The following TLN2 variants were observed in gnomAD, a reference collection of about 807,000 sequenced individuals.
The protein encoded by TLN2 is talin 2, also known as talin-2.
Under a neutral mutation model 294.7 loss-of-function variants are expected in TLN2, and 118 were observed. That is an observed-to-expected ratio of 0.40 (90% confidence interval 0.34 to 0.47). TLN2 has a LOEUF of 0.47. Among genes scored for constraint, TLN2 ranks in the 20% least tolerant of loss-of-function variants. The pLI is 0.84. For missense variants in TLN2, 3,083 were observed against 3,282.2 expected (o/e 0.94, Z 1.48); for synonymous variants, 1,431 against 1,304.5 (o/e 1.10, Z -2.09).
intron 22 of TLN2, among the ~76,000 whole-genome samples, chr15:62,714,909 C>G (rs939014732): frequency 1.3e-5 from 2 of 152,158 alleles, no homozygotes; most frequent in African/African-American, 4.8e-5. Flanking sequence ...GTGCTGGTTT[C>G]CAGCTGCTCA....
In TLN2 at chr15:62,748,392, C is replaced by G; in HGVS notation, c.4067C>G (p.Thr1356Ser). The G allele has an allele frequency of 6.2e-7, 1 of 1,613,406 alleles. No individual in the cohort carries two copies. The highest frequency in any genetic ancestry group is 8.5e-7 in the Non-Finnish European group (1 of 1,179,974). Residue 1356 changes from threonine to serine, a missense_variant, in exon 33 of 59, where the codon ACC (threonine) becomes AGC (serine). By Grantham distance (58) the Thr-to-Ser change is moderately conservative (BLOSUM62 1). Transcript: ENST00000636159. ...ATCAATCAACTCATCACTCTGTGTA[C>G]CCAACAAGCTCCGGGCCAGAAAGAG... ...ESINQLITLC[T>S]QQAPGQKECD...
chr15:62,524,969 T>C (rs1239790482), intron 1 of TLN2, among the ~76,000 whole-genome samples: 2 of 152,228 alleles, frequency 1.3e-5, no homozygotes, highest in Non-Finnish European at 2.9e-5. Context: ...CCTTGAGTCA[T>C]AGTTAGCTAA....
intron 16 of TLN2, 97 bp from the exon 17 acceptor site, chr15:62,701,009 G>A (rs1281466365): frequency 9.3e-7 from 1 of 1,072,862 alleles, no homozygotes; most frequent in South Asian, 1.4e-5. Flanking sequence ...TAAGAAGAAT[G>A]TAGCCAAAAT....
intron 35 of TLN2, 137 bp downstream of exon 35, chr15:62,752,564 G>A: frequency 3.0e-6 from 4 of 1,318,600 alleles, no homozygotes; most frequent in Non-Finnish European, 3.0e-6. Flanking sequence ...TGTGCTGGCT[G>A]GGGCATTTAC....
intron 1 of TLN2, among the ~76,000 whole-genome samples, chr15:62,445,383 T>A (rs190668478): frequency 6.6e-6 from 1 of 152,294 alleles, no homozygotes; most frequent in Admixed American, 6.5e-5. Context: ...TCATGATACT[T>A]TTATGCTGGT....
chr15:62,425,439 T>A (rs2034658263), intron 1 of TLN2, among the ~76,000 whole-genome samples: 1 of 152,144 alleles, frequency 6.6e-6, no homozygotes, highest in Admixed American at 6.5e-5. Flanking sequence ...TGACCTCGCC[T>A]AGCAGTTGCA....
chr15:62,698,808 C>T lies in TLN2; in HGVS notation c.1528C>T (p.Gln510Ter), dbSNP rs1191033657. 6.2e-7 allele frequency: 1 copy of T among 1,612,844 alleles called. No individual in the cohort carries two copies. The change falls in exon 16 of 59, where the codon CAG (glutamine) becomes TAG (stop). Residue 510 changes from glutamine to a stop codon, truncating the protein, a stop_gained. Transcript: ENST00000636159. LOFTEE classifies it high-confidence loss of function. ...CATCAACACAAGCATGCACGCCGTCCAGCAGGCCCAGGATGATCTCAGTGA... is the reference window on the plus strand; with the variant it reads ...CATCAACACAAGCATGCACGCCGTCTAGCAGGCCCAGGATGATCTCAGTGA... Reference protein sequence around the residue: ...GTINTSMHAVQQAQDDLSELD... With the variant: ...GTINTSMHAV
intron 12 of TLN2, among the ~76,000 whole-genome samples, chr15:62,688,379 A>C (rs951758956): frequency 2.2e-4 from 34 of 151,984 alleles, no homozygotes; most frequent in African/African-American, 8.0e-4. Context: ...ACTCTGTATG[A>C]TTTCAGTCCT....
chr15:62,803,025 T>C (rs1203689215), intron 50 of TLN2, among the ~76,000 whole-genome samples: 1 of 152,246 alleles, frequency 6.6e-6, no homozygotes, highest in Non-Finnish European at 1.5e-5. Flanking sequence ...TGTGGGTTGA[T>C]TGTTTCCTTT....
Position 62,415,573 on chromosome 15 carries a change from C to T in TLN2, c.-238+24888C>T, listed in dbSNP as rs1306817592. On this transcript the variant is annotated intron_variant, in intron 1 of 58. Coordinates refer to ENST00000636159, the MANE Select transcript of TLN2 (RefSeq NM_015059.3). Reference sequence around the variant, plus strand: ...AAGAGGACAGCTAACAGTGCCCATTCATTTAACCCCTGCTTGCCCCATTCT... The same window carrying T: ...AAGAGGACAGCTAACAGTGCCCATTTATTTAACCCCTGCTTGCCCCATTCT... Among the ~76,000 whole-genome samples the T allele has an allele frequency of 2.0e-5, 2 of 101,728 alleles. 1 individual carries two copies. Among genetic ancestry groups the T allele is most frequent in the Non-Finnish European group, 4.0e-5 (2 of 49,596 alleles). The allele number at this position is 101,728 out of a possible 152,430, so 66.7% of individuals were successfully genotyped here.
At chr15:62,668,659 G>A (rs929573165) in intron 9 of TLN2, among the ~76,000 whole-genome samples, 12 of 152,202 alleles carry the variant, frequency 7.9e-5, no homozygotes, top group African/African-American at 1.4e-4. Context: ...ATGAGACGGC[G>A]TGTGTGCTGT....
At chr15:62,535,595 G>T (rs1323524972) in intron 1 of TLN2, among the ~76,000 whole-genome samples, 3 of 141,606 alleles carry the variant, frequency 2.1e-5, no homozygotes, top group Admixed American at 7.3e-5. Flanking sequence ...TGGTTCTGTT[G>T]CCCCGGCCAG....
chr15:62,806,714 C>G (rs968639910), intron 51 of TLN2, among the ~76,000 whole-genome samples: 5 of 152,198 alleles, frequency 3.3e-5, no homozygotes, highest in African/African-American at 1.2e-4. Context: ...TAAGAGCCCC[C>G]ACCCTAGGCC....
At chr15:62,763,413 C>T (rs1262888150) in intron 39 of TLN2, 150 bp from the exon 40 acceptor site, 10 of 922,898 alleles carry the variant, frequency 1.1e-5, no homozygotes, top group Admixed American at 3.0e-5. Flanking sequence ...TGCAGTGAGA[C>T]GTTGCCAACC....
At chr15:62,408,774 A>G (rs2033581695) in intron 1 of TLN2, among the ~76,000 whole-genome samples, 1 of 152,054 alleles carries the variant, frequency 6.6e-6, no homozygotes, top group Admixed American at 6.6e-5. Context: ...TGGTAGTCCA[A>G]ATTAATTGTA....
intron 1 of TLN2, among the ~76,000 whole-genome samples, chr15:62,543,127 A>G (rs1479831614): frequency 2.0e-5 from 3 of 152,152 alleles, no homozygotes; most frequent in Admixed American, 2.0e-4. Flanking sequence ...ATGGGCATGT[A>G]TTGCTCTCTG....
intron 45 of TLN2, among the ~76,000 whole-genome samples, chr15:62,791,243 T>C (rs2065057134): frequency 6.6e-6 from 1 of 151,558 alleles, no homozygotes; most frequent in African/African-American, 2.4e-5. Flanking sequence ...TAATCCCAGC[T>C]ATTCAGGAGG....
intron 3 of TLN2, chr15:62,637,302 G>T (rs999986380): frequency 1.3e-5 from 2 of 152,080 alleles, no homozygotes; most frequent in African/African-American, 4.8e-5. Context: ...ATGTATAAAA[G>T]AATTCAAAGT....
chr15:62,560,751 T>TCG, intron 1 of TLN2, among the ~76,000 whole-genome samples: 1 of 152,236 alleles, frequency 6.6e-6, no homozygotes, highest in Middle Eastern at 3.2e-3. Flanking sequence ...AGCCCTTCTT[T>TCG]GCAGGGTGGA....
Sources: allele counts gnomAD v4.1 joint callset (sites outside exome capture counted in the v4.1 genomes callset), GRCh38; gene constraint gnomAD v4.1.1; transcripts MANE v1.5; gene names NCBI Gene and HGNC (gene_info 2026-07-23, HGNC 2026-07-21).